CSMD1: variants seen among roughly 807,000 people sequenced by gnomAD.
CSMD1 encodes the protein CUB and Sushi multiple domains 1.
A neutral mutation model predicts 417.5 loss-of-function variants in CSMD1; 213 were observed. That is an observed-to-expected ratio of 0.51 (90% CI 0.46 to 0.57). The LOEUF is 0.57. Ranked by LOEUF, CSMD1 falls within the 20% of genes least tolerant of loss-of-function variation. The pLI, the probability that CSMD1 is intolerant of heterozygous loss-of-function variation, is 0.00. For missense variants in CSMD1, 6,923 were observed against 4,529.7 expected (o/e 1.53, Z -15.17); for synonymous variants, 2,862 against 1,736.8 (o/e 1.65, Z -16.11).
chr8:4,865,660 T>G (rs116651234), intron 1 of CSMD1, among the ~76,000 whole-genome samples: 1 of 151,916 alleles, frequency 6.6e-6, no homozygotes, highest in African/African-American at 2.4e-5. Flanking sequence ...TTTGCATTTT[T>G]ATTTTTATAA....
At chr8:4,623,368 A>T (rs1801891963) in intron 2 of CSMD1, among the ~76,000 whole-genome samples, 1 of 152,184 alleles carries the variant, frequency 6.6e-6, no homozygotes, top group Admixed American at 6.5e-5. Flanking sequence ...AACAACTAAA[A>T]TTCATCCCTC....
intron 8 of CSMD1, among the ~76,000 whole-genome samples, chr8:3,602,078 G>A (rs140436193): frequency 6.6e-6 from 1 of 152,286 alleles, no homozygotes; most frequent in African/African-American, 2.4e-5. Flanking sequence ...GGTGGTCATG[G>A]TTATACAACC....
rs975201004 is a variant in CSMD1 at position 4,795,517 on chromosome 8, C to T, written c.86-157959G>A. Among the ~76,000 whole-genome samples the T allele has an allele frequency of 2.6e-5, 4 of 151,868 alleles. No individual in the cohort carries two copies. In the East Asian group the frequency reaches 7.8e-4, roughly 29 times the overall value. ...GATATCCTGACCTGCCCACCTCGGC[C>T]TTCCAAAGTTCTGGTATTGCAGGCA... is the stretch of plus-strand genomic sequence containing the variant. On this transcript the variant is annotated intron_variant, in intron 1 of 69. Transcript: ENST00000635120.
intron 1 of CSMD1, among the ~76,000 whole-genome samples, chr8:4,715,460 T>C (rs1808594226): frequency 1.3e-5 from 2 of 152,144 alleles, no homozygotes; most frequent in South Asian, 4.1e-4. Context: ...TCTCATATGG[T>C]TTCACAGCTT....
intron 6 of CSMD1, among the ~76,000 whole-genome samples, chr8:3,711,661 C>T (rs1377392007): frequency 6.6e-6 from 1 of 152,188 alleles, no homozygotes; most frequent in African/African-American, 2.4e-5. Context: ...TCTGCTTCCA[C>T]TTCTGCGGTT....
At chr8:4,253,277 C>G (rs1358615226) in intron 3 of CSMD1, among the ~76,000 whole-genome samples, 1 of 152,138 alleles carries the variant, frequency 6.6e-6, no homozygotes, top group Non-Finnish European at 1.5e-5. Flanking sequence ...GACCCTGAGG[C>G]TAAATTAGAC....
At chr8:3,802,388 G>T (rs889292563) in intron 5 of CSMD1, among the ~76,000 whole-genome samples, 1 of 152,068 alleles carries the variant, frequency 6.6e-6, no homozygotes, top group African/African-American at 2.4e-5. Context: ...AATTGAAAGG[G>T]ACAATGTTGC....
At chr8:4,699,843 G>C (rs1436710914) in intron 1 of CSMD1, among the ~76,000 whole-genome samples, 3 of 152,198 alleles carry the variant, frequency 2.0e-5, no homozygotes, top group Non-Finnish European at 4.4e-5. Context: ...GTACAAGTGA[G>C]ATTGACAATA....
At chr8:3,063,827 G>C (rs1812748663) in intron 49 of CSMD1, among the ~76,000 whole-genome samples, 1 of 152,176 alleles carries the variant, frequency 6.6e-6, no homozygotes, top group East Asian at 1.9e-4. Flanking sequence ...TGGAGGAGGA[G>C]GAATGGGAAC....
At chr8:4,167,776 G>C (rs982648985) in intron 3 of CSMD1, among the ~76,000 whole-genome samples, 2 of 152,134 alleles carry the variant, frequency 1.3e-5, no homozygotes, top group African/African-American at 4.8e-5. Context: ...GATTGCTTGA[G>C]TTCAGGAGTT....
chr8:3,015,373 T>C (rs763972543), intron 52 of CSMD1, among the ~76,000 whole-genome samples: 1 of 152,180 alleles, frequency 6.6e-6, no homozygotes, highest in Non-Finnish European at 1.5e-5. Flanking sequence ...TAATTTCCCA[T>C]TTTTTCCTGA....
At chr8:4,117,343 G>C (rs1174176135) in intron 3 of CSMD1, among the ~76,000 whole-genome samples, 1 of 150,996 alleles carries the variant, frequency 6.6e-6, no homozygotes, top group East Asian at 2.0e-4. Context: ...TACCAACACT[G>C]TCATCGCCTC....
At chr8:3,709,424 G>A (rs1439151387) in intron 6 of CSMD1, among the ~76,000 whole-genome samples, 2 of 152,028 alleles carry the variant, frequency 1.3e-5, no homozygotes, top group African/African-American at 2.4e-5. Flanking sequence ...TAGCTGTGAG[G>A]GTTAGTTTTA....
At chr8:4,405,768 G>C (rs1298352444) in intron 3 of CSMD1, among the ~76,000 whole-genome samples, 1 of 152,144 alleles carries the variant, frequency 6.6e-6, no homozygotes, top group Non-Finnish European at 1.5e-5. Flanking sequence ...AACAGTTTAA[G>C]CTGTATTTGA....
chr8:4,648,068 C>G (rs1215786035), intron 1 of CSMD1, among the ~76,000 whole-genome samples: 1 of 152,200 alleles, frequency 6.6e-6, no homozygotes, highest in Non-Finnish European at 1.5e-5. Context: ...CACAGTCTCA[C>G]AAGCATCTGT....
intron 3 of CSMD1, among the ~76,000 whole-genome samples, chr8:4,243,057 G>A (rs7844262): frequency 0.092 from 14,031 of 152,102 alleles, 891 homozygotes; most frequent in East Asian, 0.35. Flanking sequence ...ACACGGGTCA[G>A]GGGTAGTTTT....
intron 33 of CSMD1, among the ~76,000 whole-genome samples, chr8:3,195,523 G>A (rs1057486540): frequency 6.6e-5 from 10 of 152,156 alleles, no homozygotes; most frequent in Non-Finnish European, 1.0e-4. Context: ...TGTGATGTTC[G>A]GCTTTTGCAT....
intron 25 of CSMD1, among the ~76,000 whole-genome samples, chr8:3,297,563 A>T (rs1804058171): frequency 6.6e-6 from 1 of 152,208 alleles, no homozygotes; most frequent in South Asian, 2.1e-4. Flanking sequence ...TGCAATAAAG[A>T]AATAAATCAC....
intron 26 of CSMD1, among the ~76,000 whole-genome samples, chr8:3,232,387 T>C (rs573382900): frequency 5.9e-5 from 9 of 152,338 alleles, no homozygotes; most frequent in East Asian, 1.9e-4. Flanking sequence ...TATTATGTTT[T>C]TGGGAGTCAT....
Sources: gnomAD v4.1 joint callset for allele counts (sites outside exome capture counted in the v4.1 genomes callset) on GRCh38, gnomAD v4.1.1 for gene constraint, MANE v1.5 for transcripts, NCBI Gene and HGNC (gene_info 2026-07-23, HGNC 2026-07-21) for gene names.